The following TRIM33 variants were observed in gnomAD, a reference collection of about 807,000 sequenced individuals.
TRIM33 encodes tripartite motif containing 33.
Under a neutral mutation model 125.4 loss-of-function variants are expected in TRIM33, and 20 were observed. That is an observed-to-expected ratio of 0.16 (90% CI 0.11 to 0.23). The LOEUF is 0.23. TRIM33 is among the 10% of genes least tolerant of loss of function. The pLI is 1.00. For missense variants in TRIM33, 920 were observed against 1,411.4 expected, an observed-to-expected ratio of 0.65 and a Z score of 5.58; for synonymous variants, 564 against 513.9, an observed-to-expected ratio of 1.10 and a Z score of -1.32.
In TRIM33 at chr1:114,427,960, T is replaced by A. The variant is rs375066696; in HGVS notation, c.1156-66A>T. 1.7e-3 allele frequency: 2,607 copies of A among 1,551,320 alleles called. 5 individuals carry two copies. In the Middle Eastern group the frequency reaches 0.018, roughly 11 times the overall value. Reference sequence around the variant, plus strand: ...AAAAAAATCAACCCCACATTTCTAATGCAAATGGGCACAATACCTATACTT... The same window carrying A: ...AAAAAAATCAACCCCACATTTCTAAAGCAAATGGGCACAATACCTATACTT... On this transcript the variant is annotated intron_variant, in intron 6 of 19. Coordinates refer to ENST00000358465, the MANE Select transcript of TRIM33 (RefSeq NM_015906.4).
At chr1:114,433,968 CTCTTA>C (rs1177946345) in intron 4 of TRIM33, among the ~76,000 whole-genome samples, 1 of 152,054 alleles carries the variant, frequency 6.6e-6, no homozygotes, top group Non-Finnish European at 1.5e-5. Context: ...TGGTTGAGTG[CTCTTA>C]TATTAGAGTG....
At chr1:114,413,987 T>C (rs1386427732) in intron 11 of TRIM33, among the ~76,000 whole-genome samples, 3 of 150,536 alleles carry the variant, frequency 2.0e-5, no homozygotes. Context: ...AGTGAGACCC[T>C]GTCTCAAAAC....
Position 114,510,565 on chromosome 1 carries a change from C to T in TRIM33, c.512G>A (p.Gly171Asp). 1 of 1,501,472 alleles carries T rather than the reference C, an allele frequency of 6.7e-7. No individual in the cohort carries two copies. Among genetic ancestry groups the T allele is most frequent in the Non-Finnish European group, 8.9e-7 (1 of 1,128,360 alleles). 93.0% of individuals were successfully genotyped at this position (1,501,472 alleles called of 1,614,324 possible). Residue 171 changes from glycine (G) to aspartate (D), a missense_variant, in exon 1 of 20, where the codon GGC becomes GAC. By Grantham distance (94) the Gly-to-Asp change is moderately conservative. Coordinates refer to ENST00000358465, the MANE Select transcript of TRIM33 (RefSeq NM_015906.4). ...CTCCGGCTCACCTTGCTGGATGTCG[C>T]CGTTGCTGCCCCCCGGGATGGGCAC... is the stretch of plus-strand genomic sequence containing the variant. Reference protein sequence around the residue: ...LSVPIPGGSNGDIQQVGVIRC... With the variant: ...LSVPIPGGSNDDIQQVGVIRC...
intron 1 of TRIM33, among the ~76,000 whole-genome samples, chr1:114,476,023 TTAAAA>T (rs1417051448): frequency 2.0e-5 from 3 of 151,670 alleles, no homozygotes; most frequent in African/African-American, 7.3e-5. Flanking sequence ...GGAAAAATTA[TTAAAA>T]TAAAGGAGAT....
intron 11 of TRIM33, among the ~76,000 whole-genome samples, chr1:114,413,787 G>A (rs1420924102): frequency 1.3e-5 from 2 of 151,952 alleles, no homozygotes; most frequent in African/African-American, 4.8e-5. Flanking sequence ...GGATACCAAG[G>A]TAAGAGGATC....
At chr1:114,476,742 T>C (rs1237911348) in intron 1 of TRIM33, among the ~76,000 whole-genome samples, 1 of 152,094 alleles carries the variant, frequency 6.6e-6, no homozygotes, top group Non-Finnish European at 1.5e-5. Context: ...AAATCTAGCA[T>C]AAATGGCCAA....
intron 4 of TRIM33, among the ~76,000 whole-genome samples, chr1:114,440,196 T>C (rs2101235314): frequency 6.6e-6 from 1 of 152,120 alleles, no homozygotes; most frequent in Admixed American, 6.5e-5. Flanking sequence ...ACAAAACACT[T>C]CACATGTGAA....
Position 114,510,760 on chromosome 1 carries a change from G to A in TRIM33, c.317C>T (p.Ala106Val). The change falls in exon 1 of 20, where the codon GCT (alanine) becomes GTT (valine). Residue 106 changes from alanine (A) to valine (V), a missense_variant. Coordinates refer to ENST00000358465, the MANE Select transcript of TRIM33 (RefSeq NM_015906.4). ...AGGCGGCCCTGCCGAGGGACCCGGA[G>A]CGGGAGCCGAGGCTGGAGCTGGAGC... ...TPAPAPASAP[A>V]PGPSAGPPPG... 6.6e-7 allele frequency: 1 copy of A among 1,523,868 alleles called. No individual in the cohort carries two copies. 94.4% of individuals were successfully genotyped at this position (1,523,868 alleles called of 1,614,324 possible). A position where few individuals can be genotyped will look rare whatever the true frequency, so the allele number is the denominator to read the frequency against.
rs201315578 is a variant in TRIM33, at chr1:114,397,753, C to G, written c.3279G>C (p.Glu1093Asp). The G allele has an allele frequency of 1.2e-6, 2 of 1,613,798 alleles. No homozygotes were observed. Among genetic ancestry groups the G allele is most frequent in the East Asian group, 2.2e-5 (1 of 44,854 alleles). Residue 1093 changes from glutamate (E) to aspartate (D), a missense_variant, in exon 20 of 20, where the codon GAG becomes GAC. Physicochemically the swap from Glu to Asp is conservative, Grantham distance 45. Transcript: ENST00000358465. ...TTACCTCACCATCATCCTCTTCCTG[C>G]TCAAACTCTGGCAAAGGTGCGAAGG... ...DRTFAPLPEFEQEEDDGEVTE... is the reference protein window; with the variant it reads ...DRTFAPLPEFDQEEDDGEVTE...
intron 4 of TRIM33, among the ~76,000 whole-genome samples, chr1:114,446,971 G>A (rs566958826): frequency 2.0e-5 from 3 of 152,248 alleles, no homozygotes; most frequent in Admixed American, 6.5e-5. Context: ...AACCCAGAAG[G>A]TTGAAATGTT....
chr1:114,503,032 G>T (rs1246361439), intron 1 of TRIM33, among the ~76,000 whole-genome samples: 1 of 152,016 alleles, frequency 6.6e-6, no homozygotes, highest in Non-Finnish European at 1.5e-5. Flanking sequence ...CTAAGAAAAG[G>T]GAAAAGCAGA....
At chr1:114,478,685 T>C (rs533020757) in intron 1 of TRIM33, among the ~76,000 whole-genome samples, 47 of 152,296 alleles carry the variant, frequency 3.1e-4, no homozygotes, top group Admixed American at 7.2e-4. Context: ...AAGAGCGAAC[T>C]ATAAAAAGAA....
intron 1 of TRIM33, among the ~76,000 whole-genome samples, chr1:114,484,987 G>A (rs1411337903): frequency 1.3e-5 from 2 of 151,818 alleles, no homozygotes; most frequent in Non-Finnish European, 2.9e-5. Flanking sequence ...GGGAGGCGGA[G>A]GTTGCAGTGA....
intron 1 of TRIM33, among the ~76,000 whole-genome samples, chr1:114,500,035 C>T (rs1302289328): frequency 1.3e-5 from 2 of 152,068 alleles, no homozygotes; most frequent in African/African-American, 4.8e-5. Context: ...GACATGGTGG[C>T]GGGCGCCTCT....
chr1:114,473,205 C>T (rs1650758077), intron 1 of TRIM33, among the ~76,000 whole-genome samples: 1 of 149,060 alleles, frequency 6.7e-6, no homozygotes, highest in Admixed American at 6.7e-5. Flanking sequence ...TGCAGTGAGC[C>T]GAGATCATGC....
At chr1:114,417,820 G>A (rs548935455) in intron 11 of TRIM33, among the ~76,000 whole-genome samples, 26 of 152,034 alleles carry the variant, frequency 1.7e-4, no homozygotes, top group East Asian at 7.7e-4. Flanking sequence ...CACCATGCCC[G>A]GCTAATTTTG....
chr1:114,458,916 T>C (rs17561158), intron 4 of TRIM33, among the ~76,000 whole-genome samples: 9,601 of 152,156 alleles, frequency 0.063, 325 homozygotes, highest in African/African-American at 0.086. Flanking sequence ...GGGAGAATAG[T>C]TGTAAATGTG....
intron 18 of TRIM33, among the ~76,000 whole-genome samples, chr1:114,398,898 CAA>C (rs372853872): frequency 3.3e-5 from 2 of 60,790 alleles, no homozygotes; most frequent in Non-Finnish European, 6.4e-5. Context: ...AACTTACCCT[CAA>C]AAAAAAAAAA....
intron 1 of TRIM33, among the ~76,000 whole-genome samples, chr1:114,503,671 C>T (rs1033531687): frequency 3.3e-5 from 5 of 152,146 alleles, no homozygotes; most frequent in Non-Finnish European, 7.3e-5. Context: ...TCTTTAAATA[C>T]TGAGAAACTG....
Sources: gnomAD v4.1 joint callset for allele counts (sites outside exome capture counted in the v4.1 genomes callset) on GRCh38, gnomAD v4.1.1 for gene constraint, MANE v1.5 for transcripts, NCBI Gene and HGNC (gene_info 2026-07-23, HGNC 2026-07-21) for gene names.